The following LRBA variants were observed in gnomAD, a reference collection of about 807,000 sequenced individuals.
LRBA encodes LPS responsive beige-like anchor protein, also known as lipopolysaccharide-responsive and beige-like anchor protein.
Under a neutral mutation model 330.0 loss-of-function variants are expected in LRBA, and 176 were observed. The ratio of observed to expected loss-of-function variants is 0.53; its 90% CI spans 0.47 to 0.60. The LOEUF (loss-of-function observed/expected upper bound fraction) is 0.60. Among genes scored for constraint, LRBA ranks in the 20% least tolerant of loss-of-function variants. LRBA has a pLI of 0.00. For missense variants in LRBA, 3,259 were observed against 3,444.8 expected (o/e 0.95, Z 1.35); for synonymous variants, 1,230 against 1,193.0 (o/e 1.03, Z -0.64).
intron 39 of LRBA, among the ~76,000 whole-genome samples, chr4:150,589,801 A>C (rs926539950): frequency 3.9e-5 from 6 of 152,334 alleles, no homozygotes; most frequent in Middle Eastern, 3.4e-3. Context: ...AAAATAAAGG[A>C]AGAAATGGGT....
rs776253776 is a variant in LRBA at position 150,867,662 on chromosome 4, G to C, written c.2766+9C>G. The C allele has an allele frequency of 2.5e-6, 4 of 1,587,060 alleles. No homozygotes were observed. Among genetic ancestry groups the C allele is most frequent in the Admixed American group, 3.6e-5 (2 of 55,192 alleles). ...AAATGCTACAATACGCTTTCATAAAGAAACTTACCTTTGAATGAGTGATTG... is the reference window on the plus strand; with the variant it reads ...AAATGCTACAATACGCTTTCATAAACAAACTTACCTTTGAATGAGTGATTG... On this transcript the variant is annotated intron_variant, in intron 22 of 56. Transcript: ENST00000651943.
intron 34 of LRBA, among the ~76,000 whole-genome samples, chr4:150,782,605 G>A (rs1461926611): frequency 1.3e-5 from 2 of 152,062 alleles, no homozygotes; most frequent in Admixed American, 6.5e-5. Context: ...TCCCACTAAC[G>A]ATCTCTAATA....
intron 53 of LRBA, among the ~76,000 whole-genome samples, chr4:150,300,425 A>G (rs928776921): frequency 6.6e-6 from 1 of 152,070 alleles, no homozygotes; most frequent in African/African-American, 2.4e-5. Context: ...GAGAGGGTAT[A>G]GATGAAGTAC....
At chr4:150,925,631 C>G (rs376053163) in intron 4 of LRBA, among the ~76,000 whole-genome samples, 4 of 152,152 alleles carry the variant, frequency 2.6e-5, no homozygotes, top group Non-Finnish European at 5.9e-5. Context: ...AATATCAATA[C>G]TGTTTTAATG....
chr4:150,952,683 T>C (rs13134334), intron 2 of LRBA, among the ~76,000 whole-genome samples: 1 of 152,110 alleles, frequency 6.6e-6, no homozygotes, highest in Non-Finnish European at 1.5e-5. Context: ...AGGGTTTCTG[T>C]ACCTATCTCT....
chr4:150,928,998 A>G lies in LRBA; in HGVS notation c.284T>C (p.Met95Thr). 1 of 1,613,864 alleles carries G rather than the reference A, an allele frequency of 6.2e-7. No homozygotes were observed. The highest frequency in any genetic ancestry group is 8.5e-7 in the Non-Finnish European group (1 of 1,179,966). Residue 95 changes from methionine (M) to threonine (T), a missense_variant, in exon 3 of 57, where the codon ATG (methionine) becomes ACG (threonine). Met to Thr is a moderately conservative substitution (Grantham distance 81, BLOSUM62 -1). Coordinates refer to ENST00000651943, the MANE Select transcript of LRBA (RefSeq NM_001364905.1). The part of the protein sequence containing the change: ...IIQEGESINC[M>T]VDLLEKCDIT... Reference sequence around the variant, plus strand: ...GTCACATTTTTCCAGTAGGTCCACCATGCAGTTAATACTCTCACCTTCTTG... The same window carrying G: ...GTCACATTTTTCCAGTAGGTCCACCGTGCAGTTAATACTCTCACCTTCTTG...
At chr4:150,698,415 T>TAAA (rs1333945028) in intron 36 of LRBA, among the ~76,000 whole-genome samples, 1 of 152,124 alleles carries the variant, frequency 6.6e-6, no homozygotes, top group African/African-American at 2.4e-5. Flanking sequence ...TTCAATGCAT[T>TAAA]AAAAGGTCTG....
intron 52 of LRBA, among the ~76,000 whole-genome samples, chr4:150,307,495 T>C (rs1464707460): frequency 2.0e-5 from 3 of 151,630 alleles, no homozygotes; most frequent in Non-Finnish European, 4.4e-5. Flanking sequence ...CAAAAGAATA[T>C]TTGAGAAAAA....
intron 22 of LRBA, among the ~76,000 whole-genome samples, chr4:150,865,599 A>G (rs185138709): frequency 1.3e-5 from 2 of 152,318 alleles, no homozygotes; most frequent in Admixed American, 6.5e-5. Context: ...TTGTAGAAGC[A>G]TACTTTCTCT....
intron 20 of LRBA, among the ~76,000 whole-genome samples, chr4:150,869,826 G>A (rs945954301): frequency 2.0e-5 from 3 of 152,116 alleles, no homozygotes; most frequent in Admixed American, 2.0e-4. Flanking sequence ...AGGTTGAGGT[G>A]GGAAGATTGC....
intron 35 of LRBA, among the ~76,000 whole-genome samples, chr4:150,743,609 T>C (rs147349957): frequency 6.6e-6 from 1 of 152,234 alleles, no homozygotes; most frequent in Non-Finnish European, 1.5e-5. Context: ...CAACATTTTT[T>C]GGTTAGTAAG....
chr4:150,598,114 A>G (rs1773705979), intron 38 of LRBA, among the ~76,000 whole-genome samples: 1 of 152,150 alleles, frequency 6.6e-6, no homozygotes. Context: ...TGTATGCTAC[A>G]TATTTCCATT....
At chr4:150,866,479 A>G (rs1179939486) in intron 22 of LRBA, among the ~76,000 whole-genome samples, 1 of 152,224 alleles carries the variant, frequency 6.6e-6, no homozygotes, top group African/African-American at 2.4e-5. Context: ...TTTAAACTCC[A>G]GCCATACCAC....
At chr4:150,468,503 T>G (rs1241683317) in intron 43 of LRBA, among the ~76,000 whole-genome samples, 1 of 152,054 alleles carries the variant, frequency 6.6e-6, no homozygotes, top group African/African-American at 2.4e-5. Flanking sequence ...CTTCTACATA[T>G]GTACAGCAGT....
intron 40 of LRBA, among the ~76,000 whole-genome samples, chr4:150,494,983 C>G (rs11724792): frequency 0.76 from 115,265 of 151,032 alleles, 47,343 homozygotes; most frequent in Non-Finnish European, 0.92. Context: ...CTGGGTGACA[C>G]AGCGAGACTC....
intron 2 of LRBA, among the ~76,000 whole-genome samples, chr4:150,989,002 G>C (rs751654826): frequency 1.4e-4 from 21 of 151,786 alleles, no homozygotes; most frequent in Middle Eastern, 3.4e-3. Context: ...TTGTTTTTTT[G>C]TTGTTGTTTT....
intron 2 of LRBA, among the ~76,000 whole-genome samples, chr4:150,974,706 C>CAGG (rs1739955472): frequency 6.6e-6 from 1 of 152,128 alleles, no homozygotes; most frequent in African/African-American, 2.4e-5. Flanking sequence ...TGGAAAAAGG[C>CAGG]AGGAGAGGGT....
chr4:150,342,053 T>A (rs892402724), intron 48 of LRBA, among the ~76,000 whole-genome samples: 1 of 152,002 alleles, frequency 6.6e-6, no homozygotes, highest in East Asian at 1.9e-4. Context: ...GATTTCGATT[T>A]TAAGAGAATT....
chr4:150,878,436 AG>A (rs768506048), intron 17 of LRBA, among the ~76,000 whole-genome samples: 1 of 152,144 alleles, frequency 6.6e-6, no homozygotes, highest in Non-Finnish European at 1.5e-5. Context: ...TAGAGGAACT[AG>A]AAAAACACAA....
Sources: gnomAD v4.1 joint callset for allele counts (sites outside exome capture counted in the v4.1 genomes callset) on GRCh38, gnomAD v4.1.1 for gene constraint, MANE v1.5 for transcripts, NCBI Gene and HGNC (gene_info 2026-07-23, HGNC 2026-07-21) for gene names.